Variants in CDH23 observed in about 807,000 individuals in gnomAD.
CDH23 encodes the protein cadherin-23.
In CDH23, 189 loss-of-function variants were observed where a neutral mutation model predicts 317.1. That is an observed-to-expected ratio of 0.60 (90% confidence interval 0.53 to 0.67). The LOEUF (loss-of-function observed/expected upper bound fraction) is 0.67. Among genes scored for constraint, CDH23 ranks in the 30% least tolerant of loss-of-function variants. The pLI is 0.00. For missense variants in CDH23, 4,401 were observed against 4,592.4 expected (o/e 0.96, Z 1.20); for synonymous variants, 1,839 against 1,876.8 (o/e 0.98, Z 0.52).
At position 71,773,314 on chromosome 10, in the gene CDH23, C is replaced by T. The variant is rs80354989; in HGVS notation, c.4846-4366C>T. ...CACAGTTCCCACTCCAGTCTGCTGT[C>T]TTCTCCCAGCTTTTTCCCAGCGCCC... On this transcript the variant is annotated intron_variant, in intron 38 of 69. Coordinates refer to ENST00000224721, the MANE Select transcript of CDH23 (RefSeq NM_022124.6). 1,484 of 1,560,146 alleles carry T rather than the reference C, an allele frequency of 9.5e-4. 14 individuals carry two copies. In the African/African-American group the frequency reaches 0.018, roughly 19 times the overall value.
At chr10:71,531,530 G>A (rs1314699567) in intron 6 of CDH23, among the ~76,000 whole-genome samples, 1 of 152,158 alleles carries the variant, frequency 6.6e-6, no homozygotes, top group Non-Finnish European at 1.5e-5. Context: ...ACAAGTAGTA[G>A]CTGCACTCAC....
chr10:71,765,067 G>C (rs1284284456), intron 38 of CDH23, among the ~76,000 whole-genome samples: 1 of 152,210 alleles, frequency 6.6e-6, no homozygotes, highest in African/African-American at 2.4e-5. Context: ...CAGAAGTGAG[G>C]AGGACCTAGG....
chr10:71,730,589 A>G lies in CDH23; in HGVS notation c.3700A>G (p.Thr1234Ala). ...IGTSVIVVQA[T>A]DRDSGDGGLV... ...AACGTCAGTCATCGTGGTCCAAGCC[A>G]CAGACCGAGACTCTGGTGAGGCTGG... The change falls in exon 31 of 70, where the codon ACA becomes GCA. Residue 1234 changes from threonine to alanine, a missense_variant. Physicochemically the swap from Thr to Ala is moderately conservative, Grantham distance 58. Transcript: ENST00000224721. 2 of 1,613,866 alleles carry G rather than the reference A, an allele frequency of 1.2e-6. No individual in the cohort carries two copies. The highest frequency in any genetic ancestry group is 1.7e-6 in the Non-Finnish European group (2 of 1,179,886).
At position 71,806,248 on chromosome 10, in the gene CDH23, CG is replaced by C. The variant is rs1564804195; in HGVS notation, c.8146del (p.Asp2716MetfsTer8). The C allele has an allele frequency of 3.8e-6, 6 of 1,570,146 alleles. No individual in the cohort carries two copies. Among genetic ancestry groups the C allele is most frequent in the Non-Finnish European group, 5.2e-6 (6 of 1,157,828 alleles). ...CGCTGCAGGTGGCCCTGGAGGACATCGATGACAACGAACCCCTTTTCGTGAG... is the reference window on the plus strand; with the variant it reads ...CGCTGCAGGTGGCCCTGGAGGACATCATGACAACGAACCCCTTTTCGTGAG... ...QPLQVALEDI[D>X]DNEPLFVRPP... On this transcript the variant is annotated frameshift_variant, in exon 57 of 70. Coordinates refer to ENST00000224721, the MANE Select transcript of CDH23 (RefSeq NM_022124.6). LOFTEE classifies it high-confidence loss of function.
chr10:71,432,533 T>A (rs1849443731), intron 1 of CDH23, among the ~76,000 whole-genome samples: 1 of 152,002 alleles, frequency 6.6e-6, no homozygotes, highest in Non-Finnish European at 1.5e-5. Flanking sequence ...TGGGTGAGTG[T>A]GTGAGAGAGT....
intron 28 of CDH23, 98 bp downstream of exon 28, chr10:71,712,911 G>A: frequency 1.4e-6 from 2 of 1,416,152 alleles, no homozygotes; most frequent in East Asian, 2.5e-5. Context: ...AGAGGCGGAA[G>A]CAGGTGGGGG....
chr10:71,632,409 G>A (rs1862055169), intron 11 of CDH23, among the ~76,000 whole-genome samples: 2 of 152,236 alleles, frequency 1.3e-5, no homozygotes, highest in Non-Finnish European at 2.9e-5. Flanking sequence ...CATAAGTGAT[G>A]TACTCAGAGC....
At chr10:71,720,725 C>T (rs1286602425) in intron 28 of CDH23, among the ~76,000 whole-genome samples, 1 of 152,212 alleles carries the variant, frequency 6.6e-6, no homozygotes. Context: ...CAAGAGATTT[C>T]CTATGGACTG....
intron 1 of CDH23, among the ~76,000 whole-genome samples, chr10:71,427,190 G>GA (rs1488133309): frequency 0.046 from 208 of 4,526 alleles, 3 homozygotes; most frequent in Admixed American, 0.25. Context: ...AAGGAAGGAA[G>GA]GAAAGAGAAA....
chr10:71,763,759 A>C (rs898856363), intron 38 of CDH23, among the ~76,000 whole-genome samples: 9 of 152,224 alleles, frequency 5.9e-5, no homozygotes, highest in Non-Finnish European at 1.3e-4. Flanking sequence ...GGCGCTTGGT[A>C]CTTGGGAGCT....
intron 11 of CDH23, among the ~76,000 whole-genome samples, chr10:71,636,654 A>G (rs1862291760): frequency 1.3e-5 from 2 of 152,162 alleles, no homozygotes. Context: ...CTCCAGAGAA[A>G]ACAGACTCCT....
chr10:71,422,992 CCT>C (rs1848883019), intron 1 of CDH23, among the ~76,000 whole-genome samples: 1 of 151,510 alleles, frequency 6.6e-6, no homozygotes, highest in Non-Finnish European at 1.5e-5. Context: ...TCCCTCTTTC[CCT>C]CTCTCTCCCC....
intron 11 of CDH23, among the ~76,000 whole-genome samples, chr10:71,619,827 T>C (rs1861379679): frequency 6.6e-6 from 1 of 152,112 alleles, no homozygotes; most frequent in Non-Finnish European, 1.5e-5. Flanking sequence ...GGAAGACAGC[T>C]TGTGTGGGGG....
At chr10:71,518,905 C>T (rs529170400) in intron 6 of CDH23, among the ~76,000 whole-genome samples, 3 of 152,200 alleles carry the variant, frequency 2.0e-5, no homozygotes, top group African/African-American at 7.2e-5. Flanking sequence ...CCCTCATGTC[C>T]CCTGTAACAC....
chr10:71,724,388 G>T (rs1334914068), intron 29 of CDH23, among the ~76,000 whole-genome samples: 1 of 152,186 alleles, frequency 6.6e-6, no homozygotes, highest in African/African-American at 2.4e-5. Context: ...TGCCTCCTGG[G>T]TTCAAGCGAT....
At chr10:71,813,153 T>C (rs977632409) in intron 68 of CDH23, 91 bp from the exon 69 acceptor site, 13 of 1,271,092 alleles carry the variant, frequency 1.0e-5, no homozygotes, top group Non-Finnish European at 1.4e-5. Flanking sequence ...GGATCAGATG[T>C]CCGTGTACCC....
intron 3 of CDH23, among the ~76,000 whole-genome samples, chr10:71,504,093 A>G (rs1353410022): frequency 2.0e-5 from 3 of 151,876 alleles, no homozygotes; most frequent in Non-Finnish European, 2.9e-5. Context: ...CATCTTAGCC[A>G]TTTTTAAGTG....
intron 14 of CDH23, among the ~76,000 whole-genome samples, chr10:71,649,951 C>T (rs7920844): frequency 0.077 from 11,686 of 152,244 alleles, 1,522 homozygotes; most frequent in African/African-American, 0.27. Context: ...ATTCACACAG[C>T]GACTCCATAT....
At chr10:71,465,369 C>T (rs1380406976) in intron 3 of CDH23, among the ~76,000 whole-genome samples, 1 of 152,252 alleles carries the variant, frequency 6.6e-6, no homozygotes, top group African/African-American at 2.4e-5. Flanking sequence ...CCAGTGTTCT[C>T]AATGCCTAGC....
Sources: allele counts gnomAD v4.1 joint callset (sites outside exome capture counted in the v4.1 genomes callset), GRCh38; gene constraint gnomAD v4.1.1; transcripts MANE v1.5; gene names NCBI Gene and HGNC (gene_info 2026-07-23, HGNC 2026-07-21).